The following NKAIN3 variants were observed in gnomAD, a reference collection of about 807,000 sequenced individuals.
NKAIN3 encodes the protein sodium/potassium-transporting ATPase subunit beta-1-interacting protein 3.
In NKAIN3, 25 loss-of-function variants were observed where a neutral mutation model predicts 30.2. The ratio of observed to expected loss-of-function variants is 0.83; its 90% confidence interval spans 0.60 to 1.16. The LOEUF (loss-of-function observed/expected upper bound fraction) is 1.16, where lower values mean the gene tolerates loss of function less well. Ranked by LOEUF, NKAIN3 falls within the 50% of genes most tolerant of loss-of-function variation. The pLI is 0.00. For missense variants in NKAIN3, 225 were observed against 254.1 expected (o/e 0.89, Z 0.78); for synonymous variants, 91 against 89.6 (o/e 1.02, Z -0.09).
At chr8:62,820,618 G>A (rs1341193671) in intron 4 of NKAIN3, among the ~76,000 whole-genome samples, 1 of 152,118 alleles carries the variant, frequency 6.6e-6, no homozygotes, top group Non-Finnish European at 1.5e-5. Flanking sequence ...TGTAGAATGA[G>A]AAGACCGAAG....
chr8:62,733,801 A>T (rs1815559387), intron 3 of NKAIN3, among the ~76,000 whole-genome samples: 1 of 152,096 alleles, frequency 6.6e-6, no homozygotes, highest in Non-Finnish European at 1.5e-5. Flanking sequence ...GTGTTGAATT[A>T]TGGGTAATCT....
chr8:62,899,616 G>A (rs1406570417), intron 4 of NKAIN3, among the ~76,000 whole-genome samples: 1 of 152,016 alleles, frequency 6.6e-6, no homozygotes, highest in African/African-American at 2.4e-5. Context: ...GAGGAGCTGG[G>A]GATGGTTAAT....
intron 1 of NKAIN3, among the ~76,000 whole-genome samples, chr8:62,413,305 T>C (rs1312751716): frequency 6.6e-6 from 1 of 152,216 alleles, no homozygotes; most frequent in African/African-American, 2.4e-5. Flanking sequence ...CCAGGGCTGG[T>C]GTTCAGTAAG....
intron 3 of NKAIN3, among the ~76,000 whole-genome samples, chr8:62,693,240 G>T (rs1335415894): frequency 6.6e-6 from 1 of 152,172 alleles, no homozygotes; most frequent in Non-Finnish European, 1.5e-5. Flanking sequence ...ATGTCTTAAT[G>T]ATATCTTGAT....
intron 4 of NKAIN3, chr8:62,863,871 C>T (rs1820334711): frequency 1.3e-6 from 2 of 1,505,108 alleles, no homozygotes. Context: ...TTGCAGTAGT[C>T]CGCAGGGTCC....
intron 1 of NKAIN3, among the ~76,000 whole-genome samples, chr8:62,392,103 C>A (rs1817600665): frequency 1.3e-5 from 2 of 152,064 alleles, no homozygotes; most frequent in Middle Eastern, 6.8e-3. Flanking sequence ...GACAAACTAT[C>A]AGAGCTGCCA....
At chr8:62,537,842 G>T (rs1276805409) in intron 1 of NKAIN3, among the ~76,000 whole-genome samples, 1 of 152,122 alleles carries the variant, frequency 6.6e-6, no homozygotes, top group African/African-American at 2.4e-5. Flanking sequence ...CTTTGGTCAG[G>T]TTGCTTTTGG....
chr8:62,359,396 C>T (rs1816473733), intron 1 of NKAIN3, among the ~76,000 whole-genome samples: 1 of 152,124 alleles, frequency 6.6e-6, no homozygotes, highest in Non-Finnish European at 1.5e-5. Flanking sequence ...GGGCTTGTAG[C>T]TTATATGTGA....
chr8:62,944,014 G>A (rs1032881393), intron 5 of NKAIN3, among the ~76,000 whole-genome samples: 10 of 151,894 alleles, frequency 6.6e-5, no homozygotes, highest in Admixed American at 6.6e-4. Flanking sequence ...AGGGGGAAGG[G>A]TGGGAGTGGG....
intron 1 of NKAIN3, among the ~76,000 whole-genome samples, chr8:62,561,087 C>A (rs956569332): frequency 3.9e-5 from 6 of 152,202 alleles, no homozygotes; most frequent in African/African-American, 1.4e-4. Context: ...CCTTTTCCTG[C>A]TCCTTTGGCT....
intron 1 of NKAIN3, among the ~76,000 whole-genome samples, chr8:62,485,119 C>A (rs1462895511): frequency 6.6e-6 from 1 of 152,140 alleles, no homozygotes; most frequent in East Asian, 1.9e-4. Flanking sequence ...ATAACTGCCC[C>A]AGGGTTGAGT....
intron 5 of NKAIN3, among the ~76,000 whole-genome samples, chr8:62,993,917 G>T (rs891684159): frequency 6.6e-6 from 1 of 152,146 alleles, no homozygotes; most frequent in Non-Finnish European, 1.5e-5. Flanking sequence ...AAAGAAGCAT[G>T]CCCCATAACT....
chr8:62,309,423 A>C (rs1475383776), intron 1 of NKAIN3, among the ~76,000 whole-genome samples: 2 of 150,734 alleles, frequency 1.3e-5, no homozygotes, highest in Non-Finnish European at 2.9e-5. Flanking sequence ...AAAGACTAGA[A>C]AGCAAGGAGC....
chr8:62,301,202 GTAAA>G (rs57506572), intron 1 of NKAIN3, among the ~76,000 whole-genome samples: 9,424 of 152,018 alleles, frequency 0.062, 957 homozygotes, highest in African/African-American at 0.21. Flanking sequence ...TTCACTTGAA[GTAAA>G]TAGTGTATTT....
rs1212585208 is a variant in NKAIN3, at chr8:62,457,686, G to A, written c.55-121853G>A. ...ATTGGTTAAAAAAATATTGAATGAA[G>A]TGTGATTTAAGTACAGTTTACCATT... On this transcript the variant is annotated intron_variant, in intron 1 of 6. Transcript: ENST00000623646. 2.0e-5 allele frequency among the ~76,000 whole-genome samples: 3 copies of A among 152,134 alleles called. No individual in the cohort carries two copies. In the East Asian group the frequency reaches 5.8e-4, roughly 29 times the overall value.
At chr8:62,556,786 G>C (rs1342125454) in intron 1 of NKAIN3, among the ~76,000 whole-genome samples, 1 of 151,630 alleles carries the variant, frequency 6.6e-6, no homozygotes, top group Non-Finnish European at 1.5e-5. Flanking sequence ...AATATATAAA[G>C]CAAAAATCTT....
chr8:62,834,286 C>G (rs572719720), intron 4 of NKAIN3, among the ~76,000 whole-genome samples: 1 of 152,214 alleles, frequency 6.6e-6, no homozygotes, highest in South Asian at 2.1e-4. Context: ...TGCCCACTCT[C>G]ACTACTATTA....
intron 4 of NKAIN3, chr8:62,855,838 A>T (rs62510782): frequency 0.098 from 79,559 of 814,528 alleles, 4,387 homozygotes; most frequent in South Asian, 0.15. Context: ...GTCACCAGAA[A>T]TTTCTGGTCA....
intron 1 of NKAIN3, among the ~76,000 whole-genome samples, chr8:62,537,984 G>A (rs938654115): frequency 3.7e-4 from 57 of 152,092 alleles, no homozygotes; most frequent in African/African-American, 1.3e-3. Flanking sequence ...ACAGTGGATG[G>A]CAACTGTGAT....
Sources: allele counts gnomAD v4.1 joint callset (sites outside exome capture counted in the v4.1 genomes callset), GRCh38; gene constraint gnomAD v4.1.1; transcripts MANE v1.5; gene names NCBI Gene and HGNC (gene_info 2026-07-23, HGNC 2026-07-21).